CENPP: variants seen among roughly 807,000 people sequenced by gnomAD.
The protein encoded by CENPP is centromere protein P.
Under a neutral mutation model 35.6 loss-of-function variants are expected in CENPP, and 24 were observed. The ratio of observed to expected loss-of-function variants is 0.67; its 90% CI spans 0.49 to 0.95. The LOEUF (loss-of-function observed/expected upper bound fraction) is 0.95. Among genes scored for constraint, CENPP ranks in the 40% least tolerant of loss-of-function variants. The pLI, the probability that CENPP is intolerant of heterozygous loss-of-function variation, is 0.00. For missense variants in CENPP, 332 were observed against 345.3 expected (o/e 0.96, Z 0.31); for synonymous variants, 120 against 125.5 (o/e 0.96, Z 0.29).
At chr9:92,498,166 A>G (rs894063082) in intron 5 of CENPP, among the ~76,000 whole-genome samples, 2 of 152,328 alleles carry the variant, frequency 1.3e-5, no homozygotes, top group Admixed American at 6.5e-5. Context: ...AATAATTTGT[A>G]TAATAATTAT....
intron 5 of CENPP, chr9:92,456,610 A>G (rs1014249510): frequency 7.9e-5 from 12 of 152,538 alleles, no homozygotes; most frequent in African/African-American, 2.9e-4. Context: ...AGATTTTTAA[A>G]TCAGGTAATA....
At chr9:92,387,349 C>T (rs1386472189) in intron 5 of CENPP, among the ~76,000 whole-genome samples, 10 of 151,110 alleles carry the variant, frequency 6.6e-5, no homozygotes, top group Non-Finnish European at 1.5e-4. Flanking sequence ...GCACTCCAGC[C>T]TGGGCCACAG....
chr9:92,446,201 G>T (rs777946238), intron 5 of CENPP, among the ~76,000 whole-genome samples: 1 of 152,124 alleles, frequency 6.6e-6, no homozygotes, highest in African/African-American at 2.4e-5. Flanking sequence ...AGTTGTCCCA[G>T]TGTTTCTGCC....
chr9:92,588,085 A>G (rs1359756693), intron 5 of CENPP, among the ~76,000 whole-genome samples: 1 of 152,060 alleles, frequency 6.6e-6, no homozygotes, highest in Non-Finnish European at 1.5e-5. Flanking sequence ...GGTTGCAGTG[A>G]GCCAAGATTG....
chr9:92,391,416 A>ATAAAT (rs533070387), intron 5 of CENPP, among the ~76,000 whole-genome samples: 16 of 151,866 alleles, frequency 1.1e-4, no homozygotes, highest in South Asian at 2.1e-4. Context: ...CAAAAAATAA[A>ATAAAT]TAAATTAAAT....
At chr9:92,474,659 T>C in intron 5 of CENPP, 1 of 1,613,894 alleles carries the variant, frequency 6.2e-7, no homozygotes, top group South Asian at 1.1e-5. Flanking sequence ...TGAATAGCAC[T>C]GACATCCAAA....
intron 4 of CENPP, among the ~76,000 whole-genome samples, chr9:92,368,937 A>C (rs1049762996): frequency 3.3e-5 from 5 of 152,174 alleles, no homozygotes; most frequent in African/African-American, 1.2e-4. Context: ...ATAGCTGCTC[A>C]GGAGACTGAC....
chr9:92,618,724 A>G lies in CENPP; in HGVS notation c.*5575A>G, dbSNP rs1159786169. The G allele has an allele frequency of 2.7e-6, 1 of 365,824 alleles. No individual in the cohort carries two copies. The highest frequency in any genetic ancestry group is 2.1e-5 in the African/African-American group (1 of 47,122). 22.7% of individuals were successfully genotyped at this position (365,824 alleles called of 1,614,324 possible). On this transcript the variant is annotated 3_prime_UTR_variant, in exon 8 of 8. Coordinates refer to ENST00000375587, the MANE Select transcript of CENPP (RefSeq NM_001012267.3). The stretch of plus-strand genomic sequence containing the variant: ...ATGTTCCTCAGTATTTCATATTGGA[A>G]AGTAAACAATTCTGTGCCTGCCAGG...
intron 5 of CENPP, among the ~76,000 whole-genome samples, chr9:92,451,309 G>A (rs10992343): frequency 0.34 from 47,654 of 140,554 alleles, 9,968 homozygotes; most frequent in African/African-American, 0.6. Flanking sequence ...TCAGCTTTCT[G>A]CATATGGCTA....
chr9:92,393,303 A>G, intron 5 of CENPP: 6 of 1,365,310 alleles, frequency 4.4e-6, no homozygotes, highest in Non-Finnish European at 6.0e-6. Flanking sequence ...TTTCTCCTCT[A>G]GTAGTAAAAT....
chr9:92,550,472 C>T (rs1273260794), intron 5 of CENPP, among the ~76,000 whole-genome samples: 1 of 151,438 alleles, frequency 6.6e-6, no homozygotes, highest in African/African-American at 2.4e-5. Context: ...TGAAATAGTT[C>T]AGTTTCTTTT....
At chr9:92,531,313 C>A (rs1235881147) in intron 5 of CENPP, among the ~76,000 whole-genome samples, 4 of 152,076 alleles carry the variant, frequency 2.6e-5, no homozygotes, top group South Asian at 2.1e-4. Context: ...CTTGACTTAT[C>A]AAAGTCTTAA....
At chr9:92,349,121 A>G (rs1440227263) in intron 4 of CENPP, among the ~76,000 whole-genome samples, 1 of 152,114 alleles carries the variant, frequency 6.6e-6, no homozygotes, top group East Asian at 1.9e-4. Flanking sequence ...CAGCATTTGG[A>G]TGCTCTGTTC....
intron 5 of CENPP, among the ~76,000 whole-genome samples, chr9:92,530,180 A>G (rs562448022): frequency 1.3e-5 from 2 of 152,312 alleles, no homozygotes; most frequent in African/African-American, 2.4e-5. Flanking sequence ...CCCCAAGGGT[A>G]CCAAGGGACG....
At position 92,615,916 on chromosome 9, in the gene CENPP, C is replaced by G; in HGVS notation, c.*2767C>G. 1 of 1,614,166 alleles carries G rather than the reference C, an allele frequency of 6.2e-7. No individual in the cohort carries two copies. Among genetic ancestry groups the G allele is most frequent in the Non-Finnish European group, 8.5e-7 (1 of 1,180,024 alleles). On this transcript the variant is annotated 3_prime_UTR_variant, in exon 8 of 8. Transcript: ENST00000375587. ...CGGCGTTGTCTTTGGCACGTACAGT[C>G]TTTGAATAATAGTTGACGATCTTGC... is the stretch of plus-strand genomic sequence containing the variant.
At chr9:92,488,213 C>G (rs1846105700) in intron 5 of CENPP, among the ~76,000 whole-genome samples, 1 of 152,170 alleles carries the variant, frequency 6.6e-6, no homozygotes. Flanking sequence ...TGTAGATGCT[C>G]ATTGTGAACT....
intron 5 of CENPP, among the ~76,000 whole-genome samples, chr9:92,535,077 G>A (rs771969310): frequency 4.6e-5 from 7 of 151,974 alleles, no homozygotes; most frequent in Non-Finnish European, 8.8e-5. Context: ...TCCTCATTCT[G>A]GAAACTACCT....
At chr9:92,484,950 T>G (rs1222983241) in intron 5 of CENPP, among the ~76,000 whole-genome samples, 1 of 152,202 alleles carries the variant, frequency 6.6e-6, no homozygotes, top group East Asian at 1.9e-4. Context: ...GGGAAAGAAA[T>G]AGGCCCTGGA....
At chr9:92,455,504 C>T (rs992704976) in intron 5 of CENPP, among the ~76,000 whole-genome samples, 2 of 152,118 alleles carry the variant, frequency 1.3e-5, no homozygotes, top group Non-Finnish European at 1.5e-5. Context: ...CAGCCCCTGC[C>T]GCAAAGAATG....
Sources: allele counts gnomAD v4.1 joint callset (sites outside exome capture counted in the v4.1 genomes callset), GRCh38; gene constraint gnomAD v4.1.1; transcripts MANE v1.5; gene names NCBI Gene and HGNC (gene_info 2026-07-23, HGNC 2026-07-21).